NPL: variants seen among roughly 807,000 people sequenced by gnomAD.
NPL encodes N-acetylneuraminate pyruvate lyase.
NPL carries 32 observed loss-of-function variants against 41.1 expected under a neutral mutation model. That is an observed-to-expected ratio of 0.78 (90% CI 0.59 to 1.05). The LOEUF (loss-of-function observed/expected upper bound fraction) is 1.05. Ranked by LOEUF, NPL falls within the 50% of genes least tolerant of loss-of-function variation. The pLI is 0.00. For missense variants in NPL, 321 were observed against 378.4 expected (o/e 0.85, Z 1.26); for synonymous variants, 128 against 134.9 (o/e 0.95, Z 0.35).
rs764240568 is a variant in NPL, at chr1:182,818,634, A to G, written c.551A>G (p.Gln184Arg). 1 of 1,614,234 alleles carries G rather than the reference A, an allele frequency of 6.2e-7. No homozygotes were observed. ...FSDTDLLDFG[Q>R]CVDQNRQQQF... Reference sequence around the variant, plus strand: ...GATACAGATCTCTTAGACTTCGGGCAATGTGTTGATCAGAATCGCCAGCAA... The same window carrying G: ...GATACAGATCTCTTAGACTTCGGGCGATGTGTTGATCAGAATCGCCAGCAA... Residue 184 changes from glutamine to arginine, a missense_variant, in exon 9 of 13, where the codon CAA becomes CGA. Transcript: ENST00000367553.
chr1:182,798,432 T>G (rs771463256), intron 3 of NPL, among the ~76,000 whole-genome samples: 3 of 152,098 alleles, frequency 2.0e-5, no homozygotes, highest in Non-Finnish European at 4.4e-5. Context: ...TTCATCATGT[T>G]GGCCAGGCTG....
rs201257679 is a variant in NPL at position 182,816,763 on chromosome 1, G to A, written c.414G>A (p.Leu138=). 8.1e-6 allele frequency: 13 copies of A among 1,613,598 alleles called. No individual in the cohort carries two copies. The highest frequency in any genetic ancestry group is 1.3e-5 in the African/African-American group (1 of 74,918). The change falls in exon 8 of 13, where the codon CTG becomes CTA. Residue 138 remains leucine, a synonymous_variant. Coordinates refer to ENST00000367553, the MANE Select transcript of NPL (RefSeq NM_030769.3). ...LKEVAAAAPA[L]PFYYYHIPAL... is the part of the protein sequence containing the mutation. ...AAGTGGCTGCTGCCGCCCCTGCCCT[G>A]CCATTTTATTACTATCACATTCCTG...
At chr1:182,826,864 A>C (rs535493057) in intron 12 of NPL, 2 of 152,236 alleles carry the variant, frequency 1.3e-5, no homozygotes, top group South Asian at 4.1e-4. Flanking sequence ...GAAATTGCAG[A>C]TAATACGAAA....
At chr1:182,790,734 C>T (rs964845520) in intron 1 of NPL, among the ~76,000 whole-genome samples, 1 of 152,186 alleles carries the variant, frequency 6.6e-6, no homozygotes, top group East Asian at 1.9e-4. Flanking sequence ...AGCTCCACCT[C>T]CCAGGTTCAC....
intron 4 of NPL, 41 bp from the exon 5 acceptor site, chr1:182,806,104 G>A (rs367865042): frequency 2.2e-5 from 35 of 1,613,342 alleles, no homozygotes; most frequent in Non-Finnish European, 5.1e-6. Flanking sequence ...GAGAAGCAGA[G>A]GTGCTCCTTG....
chr1:182,817,762 AC>A (rs139346949), intron 8 of NPL, among the ~76,000 whole-genome samples: 12,343 of 152,216 alleles, frequency 0.081, 1,339 homozygotes, highest in African/African-American at 0.25. Context: ...CAGATAAACA[AC>A]CAGAGAAGAA....
chr1:182,828,579 C>T lies in NPL; in HGVS notation c.779-145C>T. The T allele has an allele frequency of 9.8e-7, 1 of 1,018,200 alleles. No individual in the cohort carries two copies. The highest frequency in any genetic ancestry group is 1.5e-6 in the Non-Finnish European group (1 of 674,804). 63.1% of individuals were successfully genotyped at this position (1,018,200 alleles called of 1,614,324 possible). Reference sequence around the variant, plus strand: ...GGATTTCGAATGATTGCTCATCTGTCATATTGACTAGAAATGTTCCCATCT... The same window carrying T: ...GGATTTCGAATGATTGCTCATCTGTTATATTGACTAGAAATGTTCCCATCT... On this transcript the variant is annotated intron_variant, in intron 12 of 12. Coordinates refer to ENST00000367553, the MANE Select transcript of NPL (RefSeq NM_030769.3). This position sits in a 1 kb window ranked among gnomAD's most constrained non-coding sequence, Gnocchi z 4.0.
intron 3 of NPL, among the ~76,000 whole-genome samples, chr1:182,801,683 C>G (rs1666851916): frequency 6.6e-6 from 1 of 152,102 alleles, no homozygotes; most frequent in African/African-American, 2.4e-5. Context: ...GGTCTCATCT[C>G]TACCCAAAAT....
intron 12 of NPL, 140 bp downstream of exon 12, chr1:182,825,960 T>TATAAAA: frequency 1.3e-6 from 1 of 782,660 alleles, no homozygotes; most frequent in Non-Finnish European, 2.3e-6. Flanking sequence ...TTATTAACCC[T>TATAAAA]CGGGGCCAAC....
intron 3 of NPL, among the ~76,000 whole-genome samples, chr1:182,798,469 C>A (rs528749923): frequency 6.6e-6 from 1 of 152,216 alleles, no homozygotes; most frequent in South Asian, 2.1e-4. Flanking sequence ...CTCAAGTGAT[C>A]CGCCCGTCTC....
intron 3 of NPL, among the ~76,000 whole-genome samples, chr1:182,802,117 T>C (rs546000799): frequency 6.6e-6 from 1 of 152,364 alleles, no homozygotes; most frequent in East Asian, 1.9e-4. Context: ...TCATTGTAAG[T>C]TCCCACATCA....
chr1:182,817,614 G>A (rs1667369172), intron 8 of NPL, among the ~76,000 whole-genome samples: 1 of 152,174 alleles, frequency 6.6e-6, no homozygotes, highest in African/African-American at 2.4e-5. Flanking sequence ...TCAAGTCCCA[G>A]GTTGTGGCCT....
intron 3 of NPL, among the ~76,000 whole-genome samples, chr1:182,798,290 C>T (rs962498909): frequency 1.4e-5 from 2 of 147,752 alleles, no homozygotes; most frequent in Non-Finnish European, 1.5e-5. Context: ...TGCAGTGGCA[C>T]AATCTCGACT....
chr1:182,809,269 T>A (rs1667109292), intron 5 of NPL: 1 of 448,284 alleles, frequency 2.2e-6, no homozygotes, highest in Non-Finnish European at 4.5e-6. Context: ...CCTGGCACAG[T>A]GGCTCACACC....
At chr1:182,802,735 A>G (rs958851690) in intron 3 of NPL, among the ~76,000 whole-genome samples, 4 of 152,206 alleles carry the variant, frequency 2.6e-5, no homozygotes, top group African/African-American at 9.6e-5. Context: ...GCCTAATACA[A>G]CTTGTGAGGA....
chr1:182,807,636 G>A (rs1394967661), intron 5 of NPL, among the ~76,000 whole-genome samples: 1 of 151,358 alleles, frequency 6.6e-6, no homozygotes, highest in African/African-American at 2.4e-5. Context: ...CAGCACTTTG[G>A]GAGGCCAAGG....
chr1:182,798,064 G>C (rs929415849), intron 3 of NPL, among the ~76,000 whole-genome samples: 29 of 152,014 alleles, frequency 1.9e-4, no homozygotes, highest in African/African-American at 6.0e-4. Flanking sequence ...ACTTAATCTT[G>C]ACAACAGCTA....
At chr1:182,800,210 C>A (rs1474375148) in intron 3 of NPL, among the ~76,000 whole-genome samples, 1 of 151,832 alleles carries the variant, frequency 6.6e-6, no homozygotes, top group African/African-American at 2.4e-5. Context: ...CCGAGGCAGG[C>A]AGATTGCTTG....
chr1:182,796,919 C>T (rs984323228), intron 3 of NPL, among the ~76,000 whole-genome samples: 7 of 151,576 alleles, frequency 4.6e-5, no homozygotes, highest in African/African-American at 1.2e-4. Flanking sequence ...CCTGTAGTTC[C>T]AGCTACTTAA....
Sources: gnomAD v4.1 joint callset for allele counts (sites outside exome capture counted in the v4.1 genomes callset) on GRCh38, gnomAD v4.1.1 for gene constraint, Gnocchi (gnomAD v3.1) non-coding constraint, MANE v1.5 for transcripts, NCBI Gene and HGNC (gene_info 2026-07-23, HGNC 2026-07-21) for gene names.